The following MSH3 variants were observed in gnomAD, a reference collection of about 807,000 sequenced individuals.
MSH3 encodes the protein DNA mismatch repair protein Msh3.
MSH3 carries 106 observed loss-of-function variants against 123.3 expected under a neutral mutation model. The ratio of observed to expected loss-of-function variants is 0.86; its 90% CI spans 0.73 to 1.01. The LOEUF (loss-of-function observed/expected upper bound fraction) is 1.01. MSH3 is among the 50% of genes least tolerant of loss of function. The pLI, the probability that MSH3 is intolerant of heterozygous loss-of-function variation, is 0.00. For missense variants in MSH3, 1,459 were observed against 1,347.6 expected, an observed-to-expected ratio of 1.08 and a Z score of -1.29; for synonymous variants, 515 against 481.4, an observed-to-expected ratio of 1.07 and a Z score of -0.91.
At chr5:80,770,078 T>C (rs1278793646) in intron 15 of MSH3, among the ~76,000 whole-genome samples, 1 of 152,184 alleles carries the variant, frequency 6.6e-6, no homozygotes, top group African/African-American at 2.4e-5. Flanking sequence ...TACTTATGTT[T>C]ATTGTCTGAA....
intron 6 of MSH3, 32 bp downstream of exon 6, chr5:80,672,890 A>G (rs1176927223): frequency 1.3e-6 from 2 of 1,485,664 alleles, no homozygotes; most frequent in African/African-American, 2.8e-5. Context: ...TTTTCTCTTA[A>G]ATGATACAAG....
chr5:80,817,881 T>C (rs1285163470), intron 20 of MSH3, among the ~76,000 whole-genome samples: 1 of 152,122 alleles, frequency 6.6e-6, no homozygotes, highest in East Asian at 1.9e-4. Context: ...AGGTAAAAGT[T>C]TGTGACAACT....
intron 8 of MSH3, among the ~76,000 whole-genome samples, chr5:80,713,251 GAT>G (rs1435488972): frequency 1.3e-5 from 2 of 152,160 alleles, no homozygotes; most frequent in Non-Finnish European, 2.9e-5. Context: ...GACATTAAAA[GAT>G]ATTATTGGTT....
chr5:80,679,935 T>A (rs1031333761), intron 8 of MSH3, among the ~76,000 whole-genome samples: 3 of 152,116 alleles, frequency 2.0e-5, no homozygotes, highest in South Asian at 2.1e-4. Flanking sequence ...GAGAAGCCCA[T>A]GAGGATTTTC....
intron 3 of MSH3, among the ~76,000 whole-genome samples, chr5:80,667,384 T>C (rs372014409): frequency 2.6e-5 from 4 of 152,354 alleles, no homozygotes; most frequent in East Asian, 1.9e-4. Flanking sequence ...TTCTTAGGTA[T>C]AGGAAAATTG....
intron 10 of MSH3, among the ~76,000 whole-genome samples, chr5:80,730,788 T>G (rs1330674122): frequency 6.6e-6 from 1 of 151,658 alleles, no homozygotes; most frequent in African/African-American, 2.4e-5. Context: ...AAAGAAGTAT[T>G]AATGTTGGGA....
At chr5:80,696,907 A>C (rs1456092321) in intron 8 of MSH3, among the ~76,000 whole-genome samples, 1 of 152,208 alleles carries the variant, frequency 6.6e-6, no homozygotes. Context: ...TGATTGAGAA[A>C]AAGAAAATCC....
At chr5:80,672,218 T>G in intron 4 of MSH3, 26 bp from the exon 5 acceptor site, 4 of 1,456,892 alleles carry the variant, frequency 2.7e-6, no homozygotes, top group African/African-American at 1.4e-5. Context: ...ATAAATTTAT[T>G]GATATTTTCT....
At chr5:80,794,222 A>G (rs1744655811) in intron 19 of MSH3, among the ~76,000 whole-genome samples, 1 of 152,210 alleles carries the variant, frequency 6.6e-6, no homozygotes. Flanking sequence ...GGGCTTCAGC[A>G]TCTGGCTGCC....
chr5:80,690,305 G>T (rs1331526602), intron 8 of MSH3, among the ~76,000 whole-genome samples: 6 of 147,374 alleles, frequency 4.1e-5, no homozygotes, highest in Non-Finnish European at 5.9e-5. Context: ...TTCCATTTTT[G>T]TTGTTGTTGT....
intron 10 of MSH3, among the ~76,000 whole-genome samples, chr5:80,731,577 T>TGTGA (rs2112860300): frequency 6.6e-6 from 1 of 152,126 alleles, no homozygotes; most frequent in African/African-American, 2.4e-5. Context: ...TTCTTCATTC[T>TGTGA]GTGAGGGTAT....
intron 10 of MSH3, among the ~76,000 whole-genome samples, chr5:80,734,531 CTCTG>C (rs1234515668): frequency 3.3e-5 from 5 of 152,208 alleles, no homozygotes; most frequent in East Asian, 3.9e-4. Flanking sequence ...AAATCTTTGT[CTCTG>C]TCTATTTTAA....
intron 8 of MSH3, among the ~76,000 whole-genome samples, chr5:80,713,679 C>T (rs1201391274): frequency 6.6e-6 from 1 of 152,172 alleles, no homozygotes; most frequent in African/African-American, 2.4e-5. Context: ...CTGTCCACCT[C>T]TAATAAAGCA....
At chr5:80,683,909 G>T (rs1037886449) in intron 8 of MSH3, among the ~76,000 whole-genome samples, 3 of 149,900 alleles carry the variant, frequency 2.0e-5, no homozygotes, top group Non-Finnish European at 4.4e-5. Flanking sequence ...GCATATGGAT[G>T]TCCAGTTTTC....
rs748485429 is a variant in MSH3, at chr5:80,654,907, C to T, written c.180C>T (p.Ala60=). Residue 60 remains alanine, a synonymous_variant, in exon 1 of 24, where the codon GCC becomes GCT. Transcript: ENST00000265081. ...CAGCGGCTGCAGCGGCCGCAGCGGC[C>T]GCAGCGCCCCCAGCGCCCCCAGCTC... ...GAAAAAAAAA[A]AAPPAPPAPA... 2.0e-6 allele frequency: 3 copies of T among 1,538,360 alleles called. No homozygotes were observed. Among genetic ancestry groups the T allele is most frequent in the Admixed American group, 4.1e-5 (2 of 48,216 alleles).
intron 19 of MSH3, among the ~76,000 whole-genome samples, chr5:80,793,910 TA>T (rs1021700469): frequency 2.6e-5 from 4 of 152,130 alleles, no homozygotes; most frequent in African/African-American, 9.7e-5. Flanking sequence ...TCTTATTCAG[TA>T]ATACTCCTGC....
intron 19 of MSH3, among the ~76,000 whole-genome samples, chr5:80,801,235 A>T (rs1490751623): frequency 6.6e-6 from 1 of 152,178 alleles, no homozygotes; most frequent in East Asian, 1.9e-4. Context: ...TGGCTGCCCT[A>T]TGGAGAGTGG....
chr5:80,829,862 G>C (rs923491505), intron 20 of MSH3, among the ~76,000 whole-genome samples: 3 of 152,064 alleles, frequency 2.0e-5, no homozygotes, highest in Non-Finnish European at 2.9e-5. Context: ...ATTTGTGCCT[G>C]GTGTTTTCTA....
Position 80,678,926 on chromosome 5 carries a change from G to A in MSH3, c.1174-1G>A. On this transcript the variant is annotated splice_acceptor_variant, in intron 7 of 23. Coordinates refer to ENST00000265081, the MANE Select transcript of MSH3 (RefSeq NM_002439.5). LOFTEE classifies it high-confidence loss of function. ...AACATTATATTTGTATTTGTTTTTA[G>A]GGAGTGCAGCCTGCCACAGGCGAGG... The A allele has an allele frequency of 6.2e-7, 1 of 1,614,044 alleles. No homozygotes were observed. The highest frequency in any genetic ancestry group is 8.5e-7 in the Non-Finnish European group (1 of 1,179,974).
Sources: allele counts gnomAD v4.1 joint callset (sites outside exome capture counted in the v4.1 genomes callset), GRCh38; gene constraint gnomAD v4.1.1; transcripts MANE v1.5; gene names NCBI Gene and HGNC (gene_info 2026-07-23, HGNC 2026-07-21).